Variants in LAMA3 observed in about 807,000 individuals in gnomAD.
LAMA3 encodes the protein laminin subunit alpha 3, also known as laminin subunit alpha-3.
A neutral mutation model predicts 402.0 loss-of-function variants in LAMA3; 281 were observed. That is an observed-to-expected ratio of 0.70 (90% CI 0.63 to 0.77). LAMA3 has a LOEUF of 0.77. Among genes scored for constraint, LAMA3 ranks in the 30% least tolerant of loss-of-function variants. The probability of loss-of-function intolerance (pLI) is 0.00; values close to 1 mark genes in which losing one functional copy is unlikely to be tolerated. For synonymous variants in LAMA3, 1,431 were observed against 1,558.4 expected (o/e 0.92, Z 1.93); for missense variants, 3,840 against 4,215.5 (o/e 0.91, Z 2.47).
At chr18:23,922,891 A>C (rs760113542) in intron 62 of LAMA3, among the ~76,000 whole-genome samples, 4 of 152,242 alleles carry the variant, frequency 2.6e-5, no homozygotes, top group African/African-American at 9.6e-5. Flanking sequence ...CAAGAAGGCA[A>C]CAATGAGCAG....
At chr18:23,788,245 T>C (rs2062584361) in intron 12 of LAMA3, among the ~76,000 whole-genome samples, 1 of 151,956 alleles carries the variant, frequency 6.6e-6, no homozygotes, top group Non-Finnish European at 1.5e-5. Flanking sequence ...TGGATTTTAA[T>C]ATAGAGAGAC....
chr18:23,711,142 T>C (rs1429189489), intron 1 of LAMA3, among the ~76,000 whole-genome samples: 2 of 152,236 alleles, frequency 1.3e-5, no homozygotes, highest in African/African-American at 4.8e-5. Flanking sequence ...TTGACTCATT[T>C]TTATTACCTG....
intron 28 of LAMA3, 42 bp from the exon 29 acceptor site, chr18:23,842,569 C>T: frequency 5.6e-6 from 9 of 1,614,264 alleles, no homozygotes; most frequent in Non-Finnish European, 7.6e-6. Flanking sequence ...GCTGAATCTA[C>T]AGTCCGGTGC....
intron 24 of LAMA3, among the ~76,000 whole-genome samples, chr18:23,836,247 C>G (rs1209992663): frequency 5.3e-5 from 8 of 152,032 alleles, no homozygotes; most frequent in African/African-American, 1.7e-4. Flanking sequence ...TAATCCTCAC[C>G]AAAAAGTCAT....
chr18:23,837,195 G>A, intron 25 of LAMA3, 106 bp downstream of exon 25: 1 of 739,630 alleles, frequency 1.4e-6, no homozygotes, highest in South Asian at 1.5e-5. Context: ...CCTATAATCT[G>A]TGAAGAATTG....
chr18:23,855,875 T>C (rs2064065880), intron 32 of LAMA3, among the ~76,000 whole-genome samples: 1 of 152,200 alleles, frequency 6.6e-6, no homozygotes, highest in Admixed American at 6.5e-5. Context: ...GGCTGAAAGA[T>C]GCAACTTGCC....
chr18:23,829,122 CTT>C (rs2144484770), intron 23 of LAMA3, among the ~76,000 whole-genome samples: 1 of 152,268 alleles, frequency 6.6e-6, no homozygotes, highest in African/African-American at 2.4e-5. Context: ...TATACATAGA[CTT>C]ATATCAGTTT....
At chr18:23,883,675 G>A (rs1284062160) in intron 40 of LAMA3, among the ~76,000 whole-genome samples, 2 of 152,172 alleles carry the variant, frequency 1.3e-5, no homozygotes, top group Admixed American at 1.3e-4. Context: ...AGCTTTATTT[G>A]TCAAGGGATC....
At chr18:23,845,153 G>C in intron 30 of LAMA3, 29 bp downstream of exon 30, 2 of 1,286,828 alleles carry the variant, frequency 1.6e-6, no homozygotes, top group South Asian at 2.4e-5. Flanking sequence ...GAAGGCTCTG[G>C]AATGCAGAGG....
intron 44 of LAMA3, among the ~76,000 whole-genome samples, chr18:23,895,797 T>A (rs894550463): frequency 6.6e-6 from 1 of 151,574 alleles, no homozygotes; most frequent in African/African-American, 2.4e-5. Context: ...GTTCTTATCC[T>A]TTTTTTTTCC....
rs766900567 is a variant in LAMA3, at chr18:23,846,443, C to T, written c.3866C>T (p.Pro1289Leu). The stretch of plus-strand genomic sequence containing the variant: ...GAGGGTGGGCAGTGCCCATGCCAGC[C>T]CAACGTCATCGGGCGGCAGTGCACC... ...SPEGGQCPCQPNVIGRQCTRC... is the reference protein window; with the variant it reads ...SPEGGQCPCQLNVIGRQCTRC... Residue 1289 changes from proline (P) to leucine (L), a missense_variant, in exon 31 of 75, where the codon CCC becomes CTC. Physicochemically the swap from Pro to Leu is moderately conservative, Grantham distance 98 (BLOSUM62 -3). This residue lies in a region of LAMA3 where 2,109 missense variants were observed against 2,376.0 expected (regional missense o/e 0.89). Coordinates refer to ENST00000313654, the MANE Select transcript of LAMA3 (RefSeq NM_198129.4). 1 of 1,613,786 alleles carries T rather than the reference C, an allele frequency of 6.2e-7. No individual in the cohort carries two copies. The highest frequency in any genetic ancestry group is 8.5e-7 in the Non-Finnish European group (1 of 1,180,024).
At chr18:23,907,309 T>C (rs1055009160) in intron 52 of LAMA3, among the ~76,000 whole-genome samples, 1 of 152,162 alleles carries the variant, frequency 6.6e-6, no homozygotes, top group Non-Finnish European at 1.5e-5. Context: ...TTCAGCCTCT[T>C]TCTTTCTTCC....
intron 12 of LAMA3, among the ~76,000 whole-genome samples, chr18:23,791,442 G>A (rs2062652092): frequency 6.6e-6 from 1 of 152,072 alleles, no homozygotes; most frequent in Admixed American, 6.5e-5. Flanking sequence ...TCACAAATGT[G>A]TATGATAGGC....
At chr18:23,735,617 C>T (rs2061461456) in intron 2 of LAMA3, among the ~76,000 whole-genome samples, 1 of 152,132 alleles carries the variant, frequency 6.6e-6, no homozygotes, top group Non-Finnish European at 1.5e-5. Flanking sequence ...GGGCTGAGCA[C>T]CTACTGTGTG....
At chr18:23,703,957 A>G (rs1369516962) in intron 1 of LAMA3, among the ~76,000 whole-genome samples, 1 of 152,230 alleles carries the variant, frequency 6.6e-6, no homozygotes, top group Non-Finnish European at 1.5e-5. Flanking sequence ...CAAAGGAGCA[A>G]TTCCAAGTTA....
At chr18:23,895,116 T>G (rs993122126) in intron 44 of LAMA3, 58 bp downstream of exon 44, 3 of 1,535,314 alleles carry the variant, frequency 2.0e-6, no homozygotes, top group Non-Finnish European at 2.6e-6. Context: ...GGGAGTGGAT[T>G]CTCCATAAGC....
At chr18:23,865,766 G>C (rs1266930490) in intron 36 of LAMA3, among the ~76,000 whole-genome samples, 2 of 152,260 alleles carry the variant, frequency 1.3e-5, no homozygotes, top group African/African-American at 4.8e-5. Flanking sequence ...CCCTTCCAGG[G>C]GCAGGGACAA....
rs923513698 is a variant in LAMA3, at chr18:23,839,428, A to G, written c.3192-357A>G. On this transcript the variant is annotated intron_variant, in intron 26 of 74. Transcript: ENST00000313654. This position sits in a 1 kb window ranked among gnomAD's most constrained non-coding sequence, Gnocchi z 4.5. The stretch of plus-strand genomic sequence containing the variant: ...AGACGATGTATATTTTTTCTTTCTT[A>G]TATAGTGTTCTGTCAATATTTATGT... 1.3e-5 allele frequency among the ~76,000 whole-genome samples: 2 copies of G among 152,118 alleles called. No individual in the cohort carries two copies. The highest frequency in any genetic ancestry group is 2.4e-5 in the African/African-American group (1 of 41,426).
Position 23,751,021 on chromosome 18 carries a change from T to G in LAMA3, c.788T>G (p.Leu263Arg), listed in dbSNP as rs1281317491. Residue 263 changes from leucine to arginine, a missense_variant, in exon 5 of 75, where the codon CTT (leucine) becomes CGT (arginine). Leu to Arg is a moderately radical substitution (Grantham distance 102). Around this residue, in one of 3 missense-constraint regions of LAMA3, gnomAD observed 2,109 missense variants for 2,376.0 expected, o/e 0.89. Transcript: ENST00000313654. ...GCAACAAACATCCGCTTGCGTTTTC[T>G]TAGAACCAATACGCTTCTTGGACAC... ...TKATNIRLRF[L>R]RTNTLLGHLI... 1 of 1,614,054 alleles carries G rather than the reference T, an allele frequency of 6.2e-7. No individual in the cohort carries two copies. Among genetic ancestry groups the G allele is most frequent in the Non-Finnish European group, 8.5e-7 (1 of 1,180,020 alleles).
Sources: allele counts gnomAD v4.1 joint callset (sites outside exome capture counted in the v4.1 genomes callset), GRCh38; gene constraint gnomAD v4.1.1; regional missense constraint gnomAD v4.1.1; non-coding constraint Gnocchi (gnomAD v3.1); transcripts MANE v1.5; gene names NCBI Gene and HGNC (gene_info 2026-07-23, HGNC 2026-07-21).